Variants in ZNF804B observed in about 807,000 individuals in gnomAD.
The protein encoded by ZNF804B is zinc finger protein 804B.
In ZNF804B, 80 loss-of-function variants were observed where a neutral mutation model predicts 101.4. The observed-to-expected ratio is 0.79, with a 90% confidence interval of 0.66 to 0.95. The LOEUF is 0.95. Ranked by LOEUF, ZNF804B falls within the 40% of genes least tolerant of loss-of-function variation. The pLI, the probability that ZNF804B is intolerant of heterozygous loss-of-function variation, is 0.00. For synonymous variants in ZNF804B, 622 were observed against 558.8 expected, an observed-to-expected ratio of 1.11 and a Z score of -1.59; for missense variants, 1,673 against 1,561.9, an observed-to-expected ratio of 1.07 and a Z score of -1.20.
chr7:89,111,530 G>T (rs527571957), intron 1 of ZNF804B, among the ~76,000 whole-genome samples: 1 of 152,256 alleles, frequency 6.6e-6, no homozygotes, highest in South Asian at 2.1e-4. Context: ...TGTCTTTAGT[G>T]AGTTGTCTGT....
chr7:88,965,442 A>G (rs1793440725), intron 1 of ZNF804B, among the ~76,000 whole-genome samples: 1 of 151,494 alleles, frequency 6.6e-6, no homozygotes, highest in Admixed American at 6.6e-5. Context: ...GCTGTTAGAA[A>G]GTTGAATCTT....
chr7:88,825,319 G>A (rs3843539), intron 1 of ZNF804B, among the ~76,000 whole-genome samples: 69,470 of 151,648 alleles, frequency 0.46, 16,808 homozygotes, highest in East Asian at 0.81. Context: ...TCCAAAAATC[G>A]ACTAACAATG....
chr7:89,280,371 A>T (rs891184688), intron 2 of ZNF804B, among the ~76,000 whole-genome samples: 13 of 151,976 alleles, frequency 8.6e-5, no homozygotes, highest in African/African-American at 2.7e-4. Flanking sequence ...GAGCAAACAC[A>T]TTCAAAAGCT....
intron 1 of ZNF804B, among the ~76,000 whole-genome samples, chr7:88,785,803 A>G (rs940125009): frequency 6.6e-6 from 1 of 152,134 alleles, no homozygotes; most frequent in African/African-American, 2.4e-5. Flanking sequence ...CTCCTCTGCC[A>G]GGAACATTCC....
intron 1 of ZNF804B, among the ~76,000 whole-genome samples, chr7:88,859,801 A>G (rs993456677): frequency 2.0e-5 from 3 of 151,918 alleles, no homozygotes; most frequent in African/African-American, 7.2e-5. Context: ...TTAAGCTAAT[A>G]TTATATAATA....
chr7:88,899,140 C>G (rs576482891), intron 1 of ZNF804B, among the ~76,000 whole-genome samples: 12 of 152,248 alleles, frequency 7.9e-5, no homozygotes, highest in Admixed American at 4.6e-4. Context: ...TAAAATAGAT[C>G]AACACTTCAT....
At chr7:88,925,289 C>T (rs1792779348) in intron 1 of ZNF804B, among the ~76,000 whole-genome samples, 1 of 152,170 alleles carries the variant, frequency 6.6e-6, no homozygotes, top group Non-Finnish European at 1.5e-5. Context: ...GAGGCGACTG[C>T]TGCTTCCTAC....
intron 1 of ZNF804B, among the ~76,000 whole-genome samples, chr7:89,007,368 G>A (rs768983469): frequency 2.6e-4 from 38 of 143,942 alleles, no homozygotes; most frequent in Non-Finnish European, 5.1e-4. Flanking sequence ...GGTGAGTATA[G>A]GATTGGGTTT....
chr7:88,948,569 C>T (rs1488257202), intron 1 of ZNF804B, among the ~76,000 whole-genome samples: 1 of 151,892 alleles, frequency 6.6e-6, no homozygotes, highest in Non-Finnish European at 1.5e-5. Flanking sequence ...CCCTGACTGA[C>T]CCCCTGCCTG....
chr7:89,188,385 C>T (rs892744066), intron 1 of ZNF804B, among the ~76,000 whole-genome samples: 3 of 151,998 alleles, frequency 2.0e-5, no homozygotes, highest in African/African-American at 7.2e-5. Context: ...CTCTCCTTCT[C>T]CTTGGCCCTC....
intron 1 of ZNF804B, among the ~76,000 whole-genome samples, chr7:89,072,025 T>C (rs961872313): frequency 1.3e-5 from 2 of 152,162 alleles, no homozygotes; most frequent in African/African-American, 4.8e-5. Context: ...CCTAAGCTAG[T>C]CTGATAGAGG....
At chr7:88,884,354 C>A (rs1463450730) in intron 1 of ZNF804B, among the ~76,000 whole-genome samples, 1 of 151,472 alleles carries the variant, frequency 6.6e-6, no homozygotes, top group Admixed American at 6.6e-5. Flanking sequence ...GTACATGTAT[C>A]TTGTTCATTT....
intron 1 of ZNF804B, among the ~76,000 whole-genome samples, chr7:89,045,721 C>G (rs1223694842): frequency 6.6e-6 from 1 of 152,092 alleles, no homozygotes; most frequent in Non-Finnish European, 1.5e-5. Context: ...GTGTATTTAC[C>G]CAATCCCTGT....
intron 1 of ZNF804B, among the ~76,000 whole-genome samples, chr7:88,809,717 A>T (rs1326615726): frequency 6.6e-6 from 1 of 152,214 alleles, no homozygotes; most frequent in Admixed American, 6.5e-5. Flanking sequence ...CTTTTTATTG[A>T]CAGTATTGAT....
At chr7:88,973,794 A>G (rs1476568887) in intron 1 of ZNF804B, among the ~76,000 whole-genome samples, 2 of 151,452 alleles carry the variant, frequency 1.3e-5, no homozygotes, top group African/African-American at 4.8e-5. Context: ...TTAGAGGAAA[A>G]GAAACAGGAA....
intron 1 of ZNF804B, among the ~76,000 whole-genome samples, chr7:88,981,765 G>A (rs1347129799): frequency 6.6e-6 from 1 of 151,944 alleles, no homozygotes; most frequent in Admixed American, 6.6e-5. Context: ...TGATAGGGTT[G>A]CACTGAACTC....
chr7:89,217,593 G>A (rs1432234466), intron 1 of ZNF804B, among the ~76,000 whole-genome samples: 1 of 152,140 alleles, frequency 6.6e-6, no homozygotes, highest in African/African-American at 2.4e-5. Flanking sequence ...TTTAAGTGGA[G>A]CATACTACAA....
rs1049778786 is a variant in ZNF804B, at chr7:88,764,447, GTTATC to G, written c.108+4372_108+4376del. ...AAATCAGGGTCGCTGAATGTTTTAT[GTTATC>G]TTATCTTAAGTTGTATAGCTGATTA... On this transcript the variant is annotated intron_variant, in intron 1 of 3. Transcript: ENST00000333190. Among the ~76,000 whole-genome samples, 273 of 152,168 alleles carry G rather than the reference GTTATC, an allele frequency of 1.8e-3. 3 individuals carry two copies. Among genetic ancestry groups the G allele is most frequent in the African/African-American group, 5.5e-3 (230 of 41,552 alleles).
At chr7:88,821,789 C>T (rs765195395) in intron 1 of ZNF804B, among the ~76,000 whole-genome samples, 10 of 152,106 alleles carry the variant, frequency 6.6e-5, no homozygotes, top group Non-Finnish European at 1.0e-4. Context: ...ATTCAGCTCA[C>T]GTAACATAGT....
Sources: gnomAD v4.1 joint callset for allele counts (sites outside exome capture counted in the v4.1 genomes callset) on GRCh38, gnomAD v4.1.1 for gene constraint, MANE v1.5 for transcripts, NCBI Gene and HGNC (gene_info 2026-07-23, HGNC 2026-07-21) for gene names.